The following TECTA variants were observed in gnomAD, a reference collection of about 807,000 sequenced individuals.
TECTA encodes the protein tectorin alpha, also known as alpha-tectorin.
In TECTA, 128 loss-of-function variants were observed where a neutral mutation model predicts 216.8. That is an observed-to-expected ratio of 0.59 (90% CI 0.51 to 0.68). The LOEUF (loss-of-function observed/expected upper bound fraction) is 0.68, where lower values mean the gene tolerates loss of function less well. Ranked by LOEUF, TECTA falls within the 30% of genes least tolerant of loss-of-function variation. The pLI is 0.00. For missense variants in TECTA, 2,551 were observed against 2,786.2 expected, an observed-to-expected ratio of 0.92 and a Z score of 1.90; for synonymous variants, 1,089 against 1,117.1, an observed-to-expected ratio of 0.97 and a Z score of 0.50.
At chr11:121,181,920 G>A (rs547461620) in intron 20 of TECTA, among the ~76,000 whole-genome samples, 2 of 152,330 alleles carry the variant, frequency 1.3e-5, no homozygotes, top group South Asian at 2.1e-4. Flanking sequence ...TGTATCTATA[G>A]TGTTGGTTGG....
At chr11:121,140,628 C>T (rs1416560843) in intron 11 of TECTA, among the ~76,000 whole-genome samples, 2 of 152,200 alleles carry the variant, frequency 1.3e-5, no homozygotes, top group Non-Finnish European at 2.9e-5. Context: ...CAGGTTCACA[C>T]TCCCCGTGAG....
chr11:121,128,326 C>G lies in TECTA; in HGVS notation c.2349C>G (p.Ile783Met), dbSNP rs369261753. Residue 783 changes from isoleucine (I) to methionine (M), a missense_variant, in exon 9 of 24, where the codon ATC becomes ATG. By Grantham distance (10) the Ile-to-Met change is conservative. Coordinates refer to ENST00000392793, the MANE Select transcript of TECTA (RefSeq NM_005422.4). ...ACCAGGAGGTCAAGATAGGAGGCAT[C>G]GGGGCTTCGGAAGTCAAGGTAAGGC... is the stretch of plus-strand genomic sequence containing the variant. ...VADQEVKIGG[I>M]GASEVKLNGQ... 1 of 1,599,576 alleles carries G rather than the reference C, an allele frequency of 6.3e-7. No homozygotes were observed. Among genetic ancestry groups the G allele is most frequent in the Non-Finnish European group, 8.5e-7 (1 of 1,179,922 alleles).
intron 6 of TECTA, among the ~76,000 whole-genome samples, chr11:121,115,760 A>C (rs543668883): frequency 6.6e-6 from 1 of 152,276 alleles, no homozygotes; most frequent in South Asian, 2.1e-4. Flanking sequence ...TCCTGGGCTC[A>C]AGTAATCCTC....
At chr11:121,172,281 G>A (rs534011042) in intron 20 of TECTA, among the ~76,000 whole-genome samples, 1 of 152,062 alleles carries the variant, frequency 6.6e-6, no homozygotes, top group African/African-American at 2.4e-5. Flanking sequence ...CTGGTGTGCT[G>A]CACCCATTAA....
intron 20 of TECTA, 41 bp downstream of exon 20, chr11:121,168,966 G>T (rs767939013): frequency 1.9e-6 from 3 of 1,613,532 alleles, no homozygotes; most frequent in Non-Finnish European, 2.5e-6. Context: ...AGAGCTTCAG[G>T]TATAATATTG....
chr11:121,153,034 T>G lies in TECTA; in HGVS notation c.4259T>G (p.Ile1420Ser). Residue 1420 changes from isoleucine (I) to serine (S), a missense_variant, in exon 13 of 24, where the codon ATC (isoleucine) becomes AGC (serine). By Grantham distance (142) the Ile-to-Ser change is moderately radical (BLOSUM62 -2). This residue lies in a region of TECTA where 2,375 missense variants were observed against 2,563.9 expected (regional missense o/e 0.93). Coordinates refer to ENST00000392793, the MANE Select transcript of TECTA (RefSeq NM_005422.4). ...TACGTCCTCAACGGCAAGAGCTGCA[T>G]CCTGCCCCACAGCTGCGGCTGCTAC... ...AGYVLNGKSC[I>S]LPHSCGCYSD... 1 of 1,614,182 alleles carries G rather than the reference T, an allele frequency of 6.2e-7. No homozygotes were observed. The highest frequency in any genetic ancestry group is 1.7e-5 in the Admixed American group (1 of 60,030).
chr11:121,182,908 G>T (rs902110938), intron 20 of TECTA, among the ~76,000 whole-genome samples: 14 of 152,190 alleles, frequency 9.2e-5, no homozygotes, highest in African/African-American at 2.4e-4. Flanking sequence ...CACCTGGTGG[G>T]CTGATCTTCA....
rs1476606785 is a variant in TECTA, at chr11:121,158,018, T to C, written c.4483T>C (p.Phe1495Leu). 1.9e-6 allele frequency: 3 copies of C among 1,612,902 alleles called. No homozygotes were observed. The African/African-American group carries it at 4.0e-5, about 22-fold the overall frequency. ...CTGCCTGGCGGCCGGCGGCGGCGTC[T>C]TCCGCACCTTCGACGGCGCCTTCCT... ...SYCLAAGGGV[F>L]RTFDGAFLRF... is the part of the protein sequence containing the mutation. The change falls in exon 14 of 24, where the codon TTC becomes CTC. Residue 1495 changes from phenylalanine to leucine, a missense_variant. By Grantham distance (22) the Phe-to-Leu change is conservative. This residue lies in a region of TECTA where 2,375 missense variants were observed against 2,563.9 expected (regional missense o/e 0.93). Transcript: ENST00000392793.
intron 1 of TECTA, among the ~76,000 whole-genome samples, chr11:121,102,407 A>G (rs1487825139): frequency 6.6e-6 from 1 of 152,128 alleles, no homozygotes; most frequent in Non-Finnish European, 1.5e-5. Context: ...CTAAATAATT[A>G]CTTGACAGTT....
Position 121,137,876 on chromosome 11 carries a change from C to A in TECTA, c.3397C>A (p.Pro1133Thr). 1 of 1,603,816 alleles carries A rather than the reference C, an allele frequency of 6.2e-7. No individual in the cohort carries two copies. Among genetic ancestry groups the A allele is most frequent in the African/African-American group, 1.3e-5 (1 of 74,894 alleles). Residue 1133 changes from proline (P) to threonine (T), a missense_variant, in exon 11 of 24, where the codon CCA becomes ACA. Transcript: ENST00000392793. Reference protein sequence around the residue: ...PLILCTTGSRPSSDSFPKFVV... With the variant: ...PLILCTTGSRTSSDSFPKFVV... ...CATCCTGTGCACCACAGGAAGCAGG[C>A]CAAGCTCAGACTCTTTCCCCAAGTT...
intron 13 of TECTA, among the ~76,000 whole-genome samples, chr11:121,154,989 A>G (rs1289704038): frequency 6.6e-6 from 1 of 152,208 alleles, no homozygotes; most frequent in African/African-American, 2.4e-5. Context: ...AAACATTATG[A>G]GCAGTTTTTC....
intron 10 of TECTA, among the ~76,000 whole-genome samples, chr11:121,131,487 AGT>A (rs1946674689): frequency 1.3e-5 from 2 of 152,210 alleles, no homozygotes; most frequent in African/African-American, 2.4e-5. Flanking sequence ...TAAATATTTC[AGT>A]GTGTTTCCTA....
chr11:121,187,739 TTA>T, intron 20 of TECTA, 91 bp from the exon 21 acceptor site: 1 of 1,448,140 alleles, frequency 6.9e-7, no homozygotes, highest in Admixed American at 1.7e-5. Flanking sequence ...TATGGTGGTT[TTA>T]TGTGAAAAGT....
chr11:121,168,744 GC>G lies in TECTA; in HGVS notation c.5820del (p.Ser1941ProfsTer11). On this transcript the variant is annotated frameshift_variant, in exon 20 of 24. Transcript: ENST00000392793. LOFTEE classifies it high-confidence loss of function. ...FITKMALYKN[A>X]SYKHPYRQGE... ...CACCAAGATGGCTCTCTACAAAAAC[GC>G]CTCCTACAAACATCCTTACCGCCAG... 1 of 1,614,102 alleles carries G rather than the reference GC, an allele frequency of 6.2e-7. No individual in the cohort carries two copies. The highest frequency in any genetic ancestry group is 2.2e-5 in the East Asian group (1 of 44,880).
At chr11:121,115,507 G>T (rs1266670537) in intron 6 of TECTA, among the ~76,000 whole-genome samples, 2 of 152,226 alleles carry the variant, frequency 1.3e-5, no homozygotes, top group African/African-American at 4.8e-5. Flanking sequence ...CATGGGAAAA[G>T]TGTTTCCAGA....
At position 121,153,163 on chromosome 11, in the gene TECTA, A is replaced by G; in HGVS notation, c.4305+83A>G. The stretch of plus-strand genomic sequence containing the variant: ...TCTAAGAGGTTGGTCAGATTGACCA[A>G]TTTTCCCACTTCATTATGAAGAGCG... On this transcript the variant is annotated intron_variant, in intron 13 of 23. Coordinates refer to ENST00000392793, the MANE Select transcript of TECTA (RefSeq NM_005422.4). 8 of 1,494,110 alleles carry G rather than the reference A, an allele frequency of 5.4e-6. No homozygotes were observed. In the Admixed American group the frequency reaches 1.2e-4, roughly 22 times the overall value. 92.6% of individuals were successfully genotyped at this position (1,494,110 alleles called of 1,614,324 possible). A position where few individuals can be genotyped will look rare whatever the true frequency, so the allele number is the denominator to read the frequency against.
intron 10 of TECTA, among the ~76,000 whole-genome samples, chr11:121,131,074 C>T (rs867575728): frequency 3.9e-5 from 6 of 151,984 alleles, no homozygotes; most frequent in African/African-American, 9.7e-5. Flanking sequence ...ATTAGCCGGG[C>T]GTGGTGGCGG....
At chr11:121,153,221 T>A in intron 13 of TECTA, 141 bp downstream of exon 13, 1 of 999,184 alleles carries the variant, frequency 1.0e-6, no homozygotes, top group Non-Finnish European at 1.5e-6. Context: ...GGATGGGGGG[T>A]AGAGAGGCTA....
At chr11:121,156,987 G>A (rs1353851085) in intron 13 of TECTA, among the ~76,000 whole-genome samples, 1 of 152,160 alleles carries the variant, frequency 6.6e-6, no homozygotes, top group Non-Finnish European at 1.5e-5. Flanking sequence ...TGGGAATGAA[G>A]GTACTTCCAT....
Sources: gnomAD v4.1 joint callset for allele counts (sites outside exome capture counted in the v4.1 genomes callset) on GRCh38, gnomAD v4.1.1 for gene constraint, gnomAD v4.1.1 regional missense constraint, MANE v1.5 for transcripts, NCBI Gene and HGNC (gene_info 2026-07-23, HGNC 2026-07-21) for gene names.